Variants in SPECC1 observed in about 807,000 individuals in gnomAD.
The protein encoded by SPECC1 is sperm antigen with calponin homology and coiled-coil domains 1.
A neutral mutation model predicts 104.1 loss-of-function variants in SPECC1; 62 were observed. The observed-to-expected ratio is 0.60, with a 90% CI of 0.49 to 0.74. The LOEUF is 0.74. SPECC1 is among the 30% of genes least tolerant of loss of function. The pLI, the probability that SPECC1 is intolerant of heterozygous loss-of-function variation, is 0.00. For missense variants in SPECC1, 1,306 were observed against 1,310.5 expected (o/e 1.00, Z 0.05); for synonymous variants, 513 against 501.6 (o/e 1.02, Z -0.30).
intron 1 of SPECC1, among the ~76,000 whole-genome samples, chr17:20,089,685 C>T (rs1421396926): frequency 6.6e-6 from 1 of 151,980 alleles, no homozygotes; most frequent in Non-Finnish European, 1.5e-5. Flanking sequence ...AATGACTGAC[C>T]CCAGCTGAAT....
chr17:20,236,949 T>G (rs761785886), intron 7 of SPECC1: 2 of 1,611,636 alleles, frequency 1.2e-6, no homozygotes, highest in South Asian at 1.1e-5. Flanking sequence ...CATCTCTAGA[T>G]GAAAGGGGGA....
intron 1 of SPECC1, among the ~76,000 whole-genome samples, chr17:20,075,008 T>A (rs2046701993): frequency 6.6e-6 from 1 of 152,142 alleles, no homozygotes; most frequent in African/African-American, 2.4e-5. Context: ...GTTCAAGTGA[T>A]TCTCCTGTCA....
At chr17:20,276,690 T>C (rs1220266764) in intron 12 of SPECC1, among the ~76,000 whole-genome samples, 1 of 152,216 alleles carries the variant, frequency 6.6e-6, no homozygotes, top group Non-Finnish European at 1.5e-5. Flanking sequence ...GGCCTGAGAC[T>C]CTGAGGGGTA....
At chr17:20,246,123 G>A (rs781320269) in intron 8 of SPECC1, 52 bp downstream of exon 8, 69 of 1,600,162 alleles carry the variant, frequency 4.3e-5, no homozygotes, top group Middle Eastern at 1.7e-4. Flanking sequence ...ACTTTGGCCC[G>A]ACATTTGATA....
At chr17:20,235,326 A>G (rs1271486419) in intron 7 of SPECC1, among the ~76,000 whole-genome samples, 2 of 152,220 alleles carry the variant, frequency 1.3e-5, no homozygotes, top group Admixed American at 1.3e-4. Flanking sequence ...CCTAAAAGTG[A>G]TCTGTTTCAT....
At chr17:20,169,664 T>C (rs924894785) in intron 3 of SPECC1, among the ~76,000 whole-genome samples, 12 of 152,150 alleles carry the variant, frequency 7.9e-5, no homozygotes, top group Admixed American at 2.0e-4. Context: ...TGTGATCTTA[T>C]GGTTTTAGAC....
At chr17:20,196,357 C>T (rs1186947897) in intron 3 of SPECC1, among the ~76,000 whole-genome samples, 1 of 152,158 alleles carries the variant, frequency 6.6e-6, no homozygotes, top group Non-Finnish European at 1.5e-5. Context: ...TAGGACACGC[C>T]AGGCAGAAGT....
At chr17:20,296,360 A>G (rs529671463) in intron 12 of SPECC1, among the ~76,000 whole-genome samples, 1 of 152,220 alleles carries the variant, frequency 6.6e-6, no homozygotes, top group Non-Finnish European at 1.5e-5. Flanking sequence ...CGAGGGCTCT[A>G]TGCTGTTCCA....
chr17:20,297,343 C>T (rs1024274122), intron 13 of SPECC1, among the ~76,000 whole-genome samples: 3 of 152,166 alleles, frequency 2.0e-5, no homozygotes, highest in Non-Finnish European at 4.4e-5. Context: ...AACCAGCAAG[C>T]ACCAACAAAA....
intron 3 of SPECC1, among the ~76,000 whole-genome samples, chr17:20,173,426 T>TATACATATTTC (rs1324991581): frequency 2.6e-5 from 4 of 152,248 alleles, no homozygotes; most frequent in Non-Finnish European, 5.9e-5. Context: ...TGTATATGTA[T>TATACATATTTC]CAGGAGCAGT....
chr17:20,051,249 C>T (rs2045765953), intron 1 of SPECC1, among the ~76,000 whole-genome samples: 1 of 151,522 alleles, frequency 6.6e-6, no homozygotes, highest in Admixed American at 6.6e-5. Context: ...AATCTTGGCC[C>T]ACTGCAACCT....
chr17:20,023,071 A>G (rs1338856052), intron 1 of SPECC1, among the ~76,000 whole-genome samples: 2 of 152,258 alleles, frequency 1.3e-5, no homozygotes. Context: ...CATATGAACA[A>G]GAGTTCTAAA....
At chr17:20,223,256 A>G (rs1032066272) in intron 4 of SPECC1, among the ~76,000 whole-genome samples, 14 of 151,942 alleles carry the variant, frequency 9.2e-5, no homozygotes, top group African/African-American at 2.7e-4. Flanking sequence ...TATATTTTCA[A>G]TTAGCCTGTC....
At chr17:20,273,036 C>G (rs1376634442) in intron 12 of SPECC1, among the ~76,000 whole-genome samples, 2 of 152,170 alleles carry the variant, frequency 1.3e-5, no homozygotes, top group African/African-American at 4.8e-5. Flanking sequence ...AGGCCTGCGA[C>G]TATGTTCCTG....
chr17:20,056,362 C>A, intron 1 of SPECC1: 2 of 191,654 alleles, frequency 1.0e-5, no homozygotes, highest in East Asian at 1.3e-4. Context: ...GCCCAGCAAA[C>A]CCCTCATCCT....
At chr17:20,156,071 T>A in intron 3 of SPECC1, 1 of 1,320,778 alleles carries the variant, frequency 7.6e-7, no homozygotes, top group Non-Finnish European at 9.7e-7. Flanking sequence ...AGGCGCCCGG[T>A]CCTTTCTTTG....
At chr17:20,215,187 A>G (rs2037410474) in intron 4 of SPECC1, among the ~76,000 whole-genome samples, 1 of 152,134 alleles carries the variant, frequency 6.6e-6, no homozygotes, top group Admixed American at 6.5e-5. Context: ...CTGTAGAAAT[A>G]TGTCTAGACA....
intron 1 of SPECC1, among the ~76,000 whole-genome samples, chr17:20,084,889 G>A (rs746950002): frequency 5.3e-5 from 8 of 152,156 alleles, no homozygotes; most frequent in Non-Finnish European, 1.2e-4. Context: ...GGGGGTGGGA[G>A]TCACACAGGG....
intron 12 of SPECC1, among the ~76,000 whole-genome samples, chr17:20,264,893 G>A (rs747072904): frequency 6.6e-5 from 10 of 152,128 alleles, no homozygotes; most frequent in Non-Finnish European, 1.2e-4. Flanking sequence ...CTGTTCCTGC[G>A]TTAGTTTGCT....
Sources: allele counts gnomAD v4.1 joint callset (sites outside exome capture counted in the v4.1 genomes callset), GRCh38; gene constraint gnomAD v4.1.1; transcripts MANE v1.5; gene names NCBI Gene and HGNC (gene_info 2026-07-23, HGNC 2026-07-21).